The following EXOC2 variants were observed in gnomAD, a reference collection of about 807,000 sequenced individuals.
The protein encoded by EXOC2 is exocyst complex component 2, also known as SEC5-like 1.
A neutral mutation model predicts 131.8 loss-of-function variants in EXOC2; 70 were observed. That is an observed-to-expected ratio of 0.53 (90% confidence interval 0.44 to 0.65). The LOEUF (loss-of-function observed/expected upper bound fraction) is 0.65, where lower values mean the gene tolerates loss of function less well. EXOC2 is among the 30% of genes least tolerant of loss of function. EXOC2 has a pLI of 0.00. For synonymous variants in EXOC2, 411 were observed against 398.4 expected (o/e 1.03, Z -0.38); for missense variants, 923 against 1,108.6 (o/e 0.83, Z 2.38).
intron 23 of EXOC2, among the ~76,000 whole-genome samples, chr6:528,135 C>A (rs1054073187): frequency 2.0e-5 from 3 of 151,950 alleles, no homozygotes; most frequent in African/African-American, 7.3e-5. Context: ...AATTTAAATA[C>A]CCAACGGTAA....
At chr6:547,514 C>T (rs1001185699) in intron 22 of EXOC2, among the ~76,000 whole-genome samples, 13 of 152,298 alleles carry the variant, frequency 8.5e-5, no homozygotes, top group African/African-American at 3.1e-4. Flanking sequence ...GGGATCGATG[C>T]CCCTAGAATT....
At chr6:524,287 A>G (rs2127528745) in intron 23 of EXOC2, 1 of 152,322 alleles carries the variant, frequency 6.6e-6, no homozygotes, top group East Asian at 1.9e-4. Context: ...CATGACTACC[A>G]AACACCACGG....
rs571911397 is a variant in EXOC2 at position 529,232 on chromosome 6, G to A, written c.2380+3237C>T. ...TCCTGTGACCTAACGCCGCCCTTCA[G>A]GGAATGGGCCTTCATAGATGTCTGT... is the stretch of plus-strand genomic sequence containing the variant. On this transcript the variant is annotated intron_variant, in intron 23 of 27. Coordinates refer to ENST00000230449, the MANE Select transcript of EXOC2 (RefSeq NM_018303.6). Among the ~76,000 whole-genome samples, 11 of 152,320 alleles carry A rather than the reference G, an allele frequency of 7.2e-5. No homozygotes were observed. In the South Asian group the frequency reaches 2.1e-3, roughly 29 times the overall value.
chr6:656,794 C>T (rs1052894106), intron 1 of EXOC2: 6 of 1,604,136 alleles, frequency 3.7e-6, no homozygotes, highest in Non-Finnish European at 5.1e-6. Flanking sequence ...AGCCTGGCCT[C>T]GTGGAGGCCG....
chr6:618,704 G>C (rs1761136293), intron 5 of EXOC2, among the ~76,000 whole-genome samples: 1 of 152,058 alleles, frequency 6.6e-6, no homozygotes, highest in Admixed American at 6.6e-5. Context: ...AATTTATCCT[G>C]TGTATTAAAA....
intron 23 of EXOC2, among the ~76,000 whole-genome samples, chr6:523,877 C>G (rs976733659): frequency 6.6e-6 from 1 of 152,082 alleles, no homozygotes; most frequent in African/African-American, 2.4e-5. Flanking sequence ...GGAAAACTAC[C>G]TCTATTTTCC....
intron 1 of EXOC2, among the ~76,000 whole-genome samples, chr6:663,216 A>G (rs1763497162): frequency 6.6e-6 from 1 of 152,218 alleles, no homozygotes; most frequent in Non-Finnish European, 1.5e-5. Context: ...AAATTCCTGG[A>G]TAAATATAAC....
chr6:655,850 GAA>G lies in EXOC2; in HGVS notation c.-43-17991_-43-17990del, dbSNP rs34180036. On this transcript the variant is annotated intron_variant, in intron 1 of 27. Transcript: ENST00000230449. ...CATTACAACCCTGTTTTTCCCCCCC[GAA>G]AAAAAGAGTTGAAGAATAACTTTGA... is the stretch of plus-strand genomic sequence containing the variant. 2.0e-5 allele frequency: 6 copies of G among 306,558 alleles called. No homozygotes were observed. In the East Asian group the frequency reaches 3.5e-4, roughly 18 times the overall value. The allele number at this position is 306,558 out of a possible 1,614,324, so 19.0% of individuals were successfully genotyped here. A position where few individuals can be genotyped will look rare whatever the true frequency, so the allele number is the denominator to read the frequency against.
intron 12 of EXOC2, among the ~76,000 whole-genome samples, chr6:575,289 C>T (rs762634333): frequency 4.6e-5 from 7 of 152,162 alleles, no homozygotes; most frequent in Non-Finnish European, 7.3e-5. Context: ...AGAAATAATT[C>T]CAAGAACAGT....
chr6:682,939 T>A (rs927453818), intron 1 of EXOC2, among the ~76,000 whole-genome samples: 3 of 152,172 alleles, frequency 2.0e-5, no homozygotes, highest in African/African-American at 7.2e-5. Flanking sequence ...TATCATTTTT[T>A]AAAAAGTGCC....
intron 1 of EXOC2, among the ~76,000 whole-genome samples, chr6:683,806 T>C (rs1471255794): frequency 1.3e-5 from 2 of 152,224 alleles, no homozygotes; most frequent in Admixed American, 6.5e-5. Context: ...AATCTTGACA[T>C]AGTGAAAGCA....
intron 7 of EXOC2, among the ~76,000 whole-genome samples, chr6:600,658 G>A (rs928795035): frequency 2.0e-5 from 3 of 151,920 alleles, no homozygotes; most frequent in East Asian, 1.9e-4. Context: ...TATTAAAGTC[G>A]TAAAATATTA....
chr6:572,706 CAT>C, intron 12 of EXOC2, 62 bp from the exon 13 acceptor site: 2 of 1,568,620 alleles, frequency 1.3e-6, no homozygotes, highest in Non-Finnish European at 1.7e-6. Context: ...CACCTTTGAG[CAT>C]ATTGGCGCAC....
At chr6:559,483 G>A (rs1459714735) in intron 17 of EXOC2, among the ~76,000 whole-genome samples, 2 of 152,142 alleles carry the variant, frequency 1.3e-5, no homozygotes, top group Non-Finnish European at 2.9e-5. Flanking sequence ...AAGGACCTCT[G>A]GCTAGACAAT....
intron 1 of EXOC2, among the ~76,000 whole-genome samples, chr6:674,900 C>T (rs1764039952): frequency 6.6e-6 from 1 of 152,082 alleles, no homozygotes; most frequent in African/African-American, 2.4e-5. Context: ...TGCCCCCAGC[C>T]CTACATACCC....
At chr6:691,108 C>G (rs146581022) in intron 1 of EXOC2, among the ~76,000 whole-genome samples, 107 of 152,316 alleles carry the variant, frequency 7.0e-4, no homozygotes, top group Middle Eastern at 3.4e-3. Context: ...ACCAGCACTT[C>G]CTGTATGGCC....
intron 11 of EXOC2, among the ~76,000 whole-genome samples, chr6:577,090 G>A (rs1406611993): frequency 1.3e-5 from 2 of 152,164 alleles, no homozygotes; most frequent in Non-Finnish European, 2.9e-5. Flanking sequence ...GGTGGTGGGA[G>A]GATAATGCTA....
chr6:569,533 A>G (rs1758155365), intron 13 of EXOC2, among the ~76,000 whole-genome samples: 1 of 152,248 alleles, frequency 6.6e-6, no homozygotes, highest in African/African-American at 2.4e-5. Flanking sequence ...CTTGTGTGAG[A>G]TTAAATAGCT....
At chr6:557,415 T>C (rs1305420225) in intron 17 of EXOC2, among the ~76,000 whole-genome samples, 1 of 151,834 alleles carries the variant, frequency 6.6e-6, no homozygotes, top group Non-Finnish European at 1.5e-5. Flanking sequence ...GTCAAGAGAT[T>C]GAGACCGTCC....
Sources: allele counts gnomAD v4.1 joint callset (sites outside exome capture counted in the v4.1 genomes callset), GRCh38; gene constraint gnomAD v4.1.1; transcripts MANE v1.5; gene names NCBI Gene and HGNC (gene_info 2026-07-23, HGNC 2026-07-21).